The following TCOF1 variants were observed in gnomAD, a reference collection of about 807,000 sequenced individuals.
TCOF1 encodes the protein treacle ribosome biogenesis factor 1, also known as treacle protein.
TCOF1 carries 33 observed loss-of-function variants against 149.0 expected under a neutral mutation model. That is an observed-to-expected ratio of 0.22 (90% CI 0.17 to 0.30). The LOEUF (loss-of-function observed/expected upper bound fraction) is 0.30. TCOF1 is among the 10% of genes least tolerant of loss of function. The probability of loss-of-function intolerance (pLI) is 1.00; values close to 1 mark genes in which losing one functional copy is unlikely to be tolerated. For missense variants in TCOF1, 1,728 were observed against 1,840.7 expected (o/e 0.94, Z 1.12); for synonymous variants, 789 against 738.8 (o/e 1.07, Z -1.10).
At position 150,372,241 on chromosome 5, in the gene TCOF1, G is replaced by A. The variant is rs760114821; in HGVS notation, c.870+5G>A. 2 of 1,605,206 alleles carry A rather than the reference G, an allele frequency of 1.2e-6. No individual in the cohort carries two copies. The highest frequency in any genetic ancestry group is 3.4e-5 in the Admixed American group (2 of 58,558). ...CCTGCAGGGACACGAAGCCAGGTGA[G>A]GCCTGGAGGAGGGCTGCCCCTTGGA... is the stretch of plus-strand genomic sequence containing the variant. On this transcript the variant is annotated splice_donor_5th_base_variant and intron_variant, in intron 7 of 26. Coordinates refer to ENST00000643257, the MANE Select transcript of TCOF1 (RefSeq NM_001371623.1).
In TCOF1 at chr5:150,396,729, C is replaced by A; in HGVS notation, c.4232C>A (p.Ser1411Tyr). ...KEKKGKGSLG[S>Y]QGAKDEPEEE... ...AAGAAAGGGAAGGGGTCTCTTGGCT[C>A]CCAAGGGGCCAAGGACGAGCCAGAA... The change falls in exon 24 of 27, where the codon TCC (serine) becomes TAC (tyrosine). Residue 1411 changes from serine (S) to tyrosine (Y), a missense_variant. Physicochemically the swap from Ser to Tyr is moderately radical, Grantham distance 144 (BLOSUM62 -2). This residue lies in a region of TCOF1 where 1,696 missense variants were observed against 1,765.4 expected (regional missense o/e 0.96). Coordinates refer to ENST00000643257, the MANE Select transcript of TCOF1 (RefSeq NM_001371623.1). The A allele has an allele frequency of 1.2e-6, 2 of 1,612,450 alleles. No homozygotes were observed. Among genetic ancestry groups the A allele is most frequent in the Non-Finnish European group, 8.5e-7 (1 of 1,179,582 alleles).
In TCOF1 at chr5:150,387,994, G is replaced by T. The variant is rs536665269; in HGVS notation, c.2952G>T (p.Pro984=). ...TPAQAQAAST[P]RKARASESTA... is the part of the protein sequence containing the mutation. ...CACAAGCCCAGGCTGCAAGCACCCC[G>T]AGGAAGGCCCGAGCCTCGGAGAGCA... Residue 984 remains proline, a synonymous_variant, in exon 18 of 27, where the codon CCG becomes CCT. Coordinates refer to ENST00000643257, the MANE Select transcript of TCOF1 (RefSeq NM_001371623.1). 1 of 1,613,866 alleles carries T rather than the reference G, an allele frequency of 6.2e-7. No individual in the cohort carries two copies.
Position 150,357,699 on chromosome 5 carries a change from G to A in TCOF1, c.-48G>A. ...AGGGCGCGAGGGAAGTGGCGGGCGGGGACTAAGGCGGGGCGTGCAGGTAGC... is the reference window on the plus strand; with the variant it reads ...AGGGCGCGAGGGAAGTGGCGGGCGGAGACTAAGGCGGGGCGTGCAGGTAGC... On this transcript the variant is annotated 5_prime_UTR_variant, in exon 1 of 27. Transcript: ENST00000643257. The A allele has an allele frequency of 1.3e-6, 2 of 1,505,230 alleles. No homozygotes were observed. The highest frequency in any genetic ancestry group is 1.8e-6 in the Non-Finnish European group (2 of 1,111,176). The allele number at this position is 1,505,230 out of a possible 1,614,324, so 93.2% of individuals were successfully genotyped here.
Position 150,376,572 on chromosome 5 carries a change from C to T in TCOF1, c.2292C>T (p.Ser764=). ...CTGAAAAGCAGGAAGACTCTGAGAG[C>T]AGTGAGGAGGAATCAGACAGTGAGG... ...VKAEKQEDSE[S]SEEESDSEEA... Residue 764 remains serine, a synonymous_variant, in exon 14 of 27, where the codon AGC becomes AGT. Coordinates refer to ENST00000643257, the MANE Select transcript of TCOF1 (RefSeq NM_001371623.1). 1 of 1,593,404 alleles carries T rather than the reference C, an allele frequency of 6.3e-7. No individual in the cohort carries two copies. The highest frequency in any genetic ancestry group is 1.1e-5 in the South Asian group (1 of 88,816).
In TCOF1 at chr5:150,369,596, C is replaced by T. The variant is rs750978663; in HGVS notation, c.633C>T (p.Asp211=). The change falls in exon 6 of 27, where the codon GAC becomes GAT. Residue 211 remains aspartate, a synonymous_variant. Coordinates refer to ENST00000643257, the MANE Select transcript of TCOF1 (RefSeq NM_001371623.1). Reference sequence around the variant, plus strand: ...CCTCCAGCTCCAGTGATGAGACAGACGTGGAGGTAATTGCCACCCATCCCT... The same window carrying T: ...CCTCCAGCTCCAGTGATGAGACAGATGTGGAGGTAATTGCCACCCATCCCT... ...EDTSSSSDET[D]VEGKPSVKPA... 3.7e-5 allele frequency: 60 copies of T among 1,613,982 alleles called. No homozygotes were observed. The highest frequency in any genetic ancestry group is 4.5e-5 in the East Asian group (2 of 44,888).
Position 150,399,019 on chromosome 5 carries a change from CAGA to C in TCOF1, c.4448_4450del (p.Lys1483del), listed in dbSNP as rs748047660. The C allele has an allele frequency of 5.6e-6, 9 of 1,614,142 alleles. No homozygotes were observed. Among genetic ancestry groups the C allele is most frequent in the African/African-American group, 4.0e-5 (3 of 74,944 alleles). ...AGAGCCTCTCGTACTTCCCTCCTCA[CAGA>C]AGAAGACAGCAGAGCAGACTGTATG... On this transcript the variant is annotated splice_acceptor_variant and coding_sequence_variant, in exon 26 of 27. Transcript: ENST00000643257. LOFTEE classifies it high-confidence loss of function.
At chr5:150,385,108 AATGTAT>A in intron 17 of TCOF1, 1 of 980,120 alleles carries the variant, frequency 1.0e-6, no homozygotes, top group South Asian at 4.7e-5. Context: ...GCTATTCCAC[AATGTAT>A]ATGTGTATCA....
Position 150,391,674 on chromosome 5 carries a change from AGG to A in TCOF1, c.3297+20_3297+21del, listed in dbSNP as rs779890631. On this transcript the variant is annotated intron_variant, in intron 20 of 26. Coordinates refer to ENST00000643257, the MANE Select transcript of TCOF1 (RefSeq NM_001371623.1). ...TCAAGTGGGGTGAGCTTGGGGAGCC[AGG>A]GGAAGCAAGCCCACGGAGCGTAGAA... is the stretch of plus-strand genomic sequence containing the variant. 7 of 1,607,818 alleles carry A rather than the reference AGG, an allele frequency of 4.4e-6. No homozygotes were observed. The South Asian group carries it at 6.6e-5, about 15-fold the overall frequency.
In TCOF1 at chr5:150,372,255, C is replaced by T; in HGVS notation, c.870+19C>T. ...AAGCCAGGTGAGGCCTGGAGGAGGG[C>T]TGCCCCTTGGAGGACCTGCGGGTCC... is the stretch of plus-strand genomic sequence containing the variant. On this transcript the variant is annotated intron_variant, in intron 7 of 26. Transcript: ENST00000643257. The T allele has an allele frequency of 6.3e-7, 1 of 1,594,060 alleles. No homozygotes were observed. Among genetic ancestry groups the T allele is most frequent in the Non-Finnish European group, 8.5e-7 (1 of 1,170,544 alleles).
chr5:150,383,182 G>T (rs1765591208), intron 17 of TCOF1: 1 of 1,533,520 alleles, frequency 6.5e-7, no homozygotes, highest in Non-Finnish European at 8.7e-7. Context: ...GGTGCGCCAT[G>T]CCTTCTCTCT....
Position 150,357,785 on chromosome 5 carries a change from G to C in TCOF1, c.39G>C (p.Leu13=). Residue 13 remains leucine (L), a synonymous_variant, in exon 1 of 27, where the codon CTG becomes CTC. Transcript: ENST00000643257. ...EARKRRELLP[L]IYHHLLRAGY... ...GGAAGCGGCGGGAGCTACTTCCCCTGATCTACCACCATCTGCTGCGGGCTG... is the reference window on the plus strand; with the variant it reads ...GGAAGCGGCGGGAGCTACTTCCCCTCATCTACCACCATCTGCTGCGGGCTG... 6.5e-7 allele frequency: 1 copy of C among 1,549,782 alleles called. No individual in the cohort carries two copies. Among genetic ancestry groups the C allele is most frequent in the Non-Finnish European group, 8.7e-7 (1 of 1,146,596 alleles).
At chr5:150,380,440 C>T (rs186990217) in intron 17 of TCOF1, 4 of 154,414 alleles carry the variant, frequency 2.6e-5, no homozygotes, top group African/African-American at 9.6e-5. Flanking sequence ...TGGCACAGGT[C>T]CCCCTGAGGT....
intron 17 of TCOF1, among the ~76,000 whole-genome samples, chr5:150,385,961 C>G (rs1171631145): frequency 6.6e-6 from 1 of 152,180 alleles, no homozygotes; most frequent in Non-Finnish European, 1.5e-5. Context: ...AGTGAATGAG[C>G]CCAGGCTGGG....
In TCOF1 at chr5:150,379,036, A is replaced by G. The variant is rs772628737; in HGVS notation, c.2472A>G (p.Pro824=). 5.6e-6 allele frequency: 9 copies of G among 1,613,998 alleles called. No homozygotes were observed. The highest frequency in any genetic ancestry group is 2.2e-5 in the East Asian group (1 of 44,856). ...TAAAQAKQRS[P]SKVKPPVRNP... Reference sequence around the variant, plus strand: ...CTGCTCAAGCCAAGCAGAGGTCTCCATCCAAGGCAAGTGGGGCCAGAAGCC... The same window carrying G: ...CTGCTCAAGCCAAGCAGAGGTCTCCGTCCAAGGCAAGTGGGGCCAGAAGCC... Residue 824 remains proline, a synonymous_variant, in exon 15 of 27, where the codon CCA becomes CCG. Coordinates refer to ENST00000643257, the MANE Select transcript of TCOF1 (RefSeq NM_001371623.1).
intron 17 of TCOF1, chr5:150,384,319 C>T (rs1309163209): frequency 2.0e-6 from 2 of 986,436 alleles, no homozygotes; most frequent in Non-Finnish European, 2.4e-6. Flanking sequence ...GAGGGTGGCT[C>T]CCTTTGTTGT....
intron 1 of TCOF1, 45 bp from the exon 2 acceptor site, chr5:150,361,111 A>G (rs771106963): frequency 6.2e-7 from 1 of 1,612,938 alleles, no homozygotes; most frequent in South Asian, 1.1e-5. Context: ...AAGGATCCTT[A>G]CTGTGCTGGG....
intron 17 of TCOF1, chr5:150,384,366 G>T (rs1022600309): frequency 8.1e-6 from 8 of 985,588 alleles, no homozygotes; most frequent in African/African-American, 1.7e-5. Context: ...GCTCAGAGAA[G>T]TTGAGGGACC....
rs763712981 is a variant in TCOF1 at position 150,374,783 on chromosome 5, C to T, written c.1250C>T (p.Ser417Leu). 20 of 1,611,780 alleles carry T rather than the reference C, an allele frequency of 1.2e-5. No homozygotes were observed. Among genetic ancestry groups the T allele is most frequent in the Admixed American group, 3.4e-5 (2 of 59,524 alleles). Residue 417 changes from serine to leucine, a missense_variant, in exon 9 of 27, where the codon TCG (serine) becomes TTG (leucine). Ser to Leu is a moderately radical substitution (Grantham distance 145, BLOSUM62 -2). Around this residue, in one of 2 missense-constraint regions of TCOF1, gnomAD observed 1,696 missense variants for 1,765.4 expected, o/e 0.96. Coordinates refer to ENST00000643257, the MANE Select transcript of TCOF1 (RefSeq NM_001371623.1). ...GACTCGCAGAGCAGCAGCGAGGAAT[C>T]GGACAGTGAGGAGGAGGCGCCTGCT... is the stretch of plus-strand genomic sequence containing the variant. Reference protein sequence around the residue: ...EEDSQSSSEESDSEEEAPAQA... With the variant: ...EEDSQSSSEELDSEEEAPAQA...
In TCOF1 at chr5:150,396,423, A is replaced by T; in HGVS notation, c.3926A>T (p.Glu1309Val). 1 of 1,614,050 alleles carries T rather than the reference A, an allele frequency of 6.2e-7. No individual in the cohort carries two copies. The highest frequency in any genetic ancestry group is 2.2e-5 in the East Asian group (1 of 44,862). The stretch of plus-strand genomic sequence containing the variant: ...CTGGGCCAACCCTGGCCCCTGAATG[A>T]GGCCCAGGTGCAGGCCTCAGTGGTG... ...CLLGQPWPLN[E>V]AQVQASVVKV... Residue 1309 changes from glutamate to valine, a missense_variant, in exon 24 of 27, where the codon GAG (glutamate) becomes GTG (valine). By Grantham distance (121) the Glu-to-Val change is moderately radical. This residue lies in a region of TCOF1 where 1,696 missense variants were observed against 1,765.4 expected (regional missense o/e 0.96). Coordinates refer to ENST00000643257, the MANE Select transcript of TCOF1 (RefSeq NM_001371623.1).
Sources: gnomAD v4.1 joint callset for allele counts (sites outside exome capture counted in the v4.1 genomes callset) on GRCh38, gnomAD v4.1.1 for gene constraint, gnomAD v4.1.1 regional missense constraint, MANE v1.5 for transcripts, NCBI Gene and HGNC (gene_info 2026-07-23, HGNC 2026-07-21) for gene names.